Variants in MID1 observed in about 807,000 individuals in gnomAD.
The protein encoded by MID1 is E3 ubiquitin-protein ligase Midline-1.
Under a neutral mutation model 40.4 loss-of-function variants are expected in MID1, and 7 were observed. The observed-to-expected ratio is 0.17, with a 90% CI of 0.10 to 0.33. The LOEUF is 0.33. MID1 is among the 10% of genes least tolerant of loss of function. MID1 has a pLI of 1.00. For missense variants in MID1, 367 were observed against 558.5 expected (o/e 0.66, Z 3.46); for synonymous variants, 229 against 221.2 (o/e 1.04, Z -0.31).
chrX:10,633,991 C>T (rs1210401052), intron 1 of MID1, among the ~76,000 whole-genome samples: 2 of 110,189 alleles, frequency 1.8e-5, no homozygotes, highest in East Asian at 2.8e-4. Context: ...CATAACTGCA[C>T]GAAAGGCCAC....
At chrX:10,748,895 GAT>G (rs2043580110) in intron 1 of MID1, among the ~76,000 whole-genome samples, 1 of 111,327 alleles carries the variant, frequency 9.0e-6, no homozygotes, top group African/African-American at 3.3e-5. Context: ...CATAAGGCAA[GAT>G]AGTCTTTGGT....
intron 1 of MID1, among the ~76,000 whole-genome samples, chrX:10,768,223 G>A (rs2043744415): frequency 9.1e-6 from 1 of 110,449 alleles, no homozygotes; most frequent in Non-Finnish European, 1.9e-5. Flanking sequence ...GAACTTAAAA[G>A]CTTGAGGAAA....
At chrX:10,459,848 G>C in intron 7 of MID1, 41 bp from the exon 8 acceptor site, 26 of 1,152,714 alleles carry the variant, frequency 2.3e-5, no homozygotes, top group Non-Finnish European at 2.9e-5. Context: ...TTTGGCACAA[G>C]GGGAGCAATG....
chrX:10,631,968 C>G (rs937216650), intron 1 of MID1, among the ~76,000 whole-genome samples: 1 of 111,830 alleles, frequency 8.9e-6, no homozygotes, highest in Non-Finnish European at 1.9e-5. Context: ...CTGACATTAG[C>G]TCTCCATATT....
At chrX:10,593,147 C>T (rs1019646019) in intron 1 of MID1, among the ~76,000 whole-genome samples, 1 of 111,810 alleles carries the variant, frequency 8.9e-6, no homozygotes, top group African/African-American at 3.3e-5. Context: ...TAGCAAAGTT[C>T]AGGTAAGCTG....
At chrX:10,706,960 T>A (rs1039484003) in intron 1 of MID1, among the ~76,000 whole-genome samples, 2 of 111,751 alleles carry the variant, frequency 1.8e-5, no homozygotes, top group Admixed American at 1.9e-4. Flanking sequence ...TGACTCATAA[T>A]TGGGTCTAAC....
intron 1 of MID1, among the ~76,000 whole-genome samples, chrX:10,760,266 A>G (rs1427359209): frequency 9.0e-6 from 1 of 111,458 alleles, no homozygotes; most frequent in Non-Finnish European, 1.9e-5. Context: ...TGGTTACTGC[A>G]TATACTGCTC....
intron 2 of MID1, among the ~76,000 whole-genome samples, chrX:10,528,582 T>C (rs1222455337): frequency 8.9e-6 from 1 of 112,256 alleles, no homozygotes; most frequent in Admixed American, 9.5e-5. Flanking sequence ...AACGAGTGGA[T>C]AGGACTGTGT....
intron 1 of MID1, among the ~76,000 whole-genome samples, chrX:10,661,805 A>T (rs1187673997): frequency 8.9e-6 from 1 of 111,904 alleles, no homozygotes; most frequent in African/African-American, 3.2e-5. Context: ...AATTTTAGAC[A>T]ATGAGTTAAC....
At chrX:10,719,739 A>G (rs2043334624) in intron 1 of MID1, among the ~76,000 whole-genome samples, 1 of 111,326 alleles carries the variant, frequency 9.0e-6, no homozygotes, top group Non-Finnish European at 1.9e-5. Context: ...CGCATCACCA[A>G]GTCAATCCTA....
At position 10,631,598 on chromosome X, in the gene MID1, CAA is replaced by C. The variant is rs1429762331; in HGVS notation, c.-186-11181_-186-11180del. On this transcript the variant is annotated intron_variant, in intron 1 of 10. Coordinates refer to the MID1 transcript ENST00000380785. ...CAGGTAACTCATAAAACAAAAACGT[CAA>C]AGAGTCAGTTGTATGTTTATATGAC... Among the ~76,000 whole-genome samples the C allele has an allele frequency of 3.6e-5, 4 of 111,969 alleles. No homozygotes were observed. The South Asian group carries it at 1.5e-3, about 41-fold the overall frequency.
chrX:10,675,307 GA>G (rs1447592868), intron 1 of MID1, among the ~76,000 whole-genome samples: 1 of 112,071 alleles, frequency 8.9e-6, no homozygotes, highest in Non-Finnish European at 1.9e-5. Context: ...TAATGAGGAG[GA>G]AAAAATGCAG....
At chrX:10,752,988 G>T (rs1163675581) in intron 1 of MID1, among the ~76,000 whole-genome samples, 2 of 112,080 alleles carry the variant, frequency 1.8e-5, no homozygotes, top group Non-Finnish European at 3.8e-5. Context: ...TGAAGGCAGG[G>T]TGCCTGCTGA....
At chrX:10,493,649 C>T (rs1365742107) in intron 4 of MID1, among the ~76,000 whole-genome samples, 2 of 111,580 alleles carry the variant, frequency 1.8e-5, no homozygotes, top group African/African-American at 6.5e-5. Flanking sequence ...TAAATAATAA[C>T]GTATTATACA....
chrX:10,733,282 A>AC (rs2043464405), intron 1 of MID1, among the ~76,000 whole-genome samples: 1 of 111,797 alleles, frequency 8.9e-6, no homozygotes, highest in African/African-American at 3.3e-5. Flanking sequence ...CCTCACCTCT[A>AC]CCTCACACTA....
intron 1 of MID1, among the ~76,000 whole-genome samples, chrX:10,644,758 G>A (rs1936244480): frequency 9.0e-6 from 1 of 110,916 alleles, no homozygotes; most frequent in African/African-American, 3.3e-5. Flanking sequence ...ACAGTCATGT[G>A]GCAAAATTTC....
chrX:10,681,196 T>C (rs2043058432), intron 1 of MID1, among the ~76,000 whole-genome samples: 1 of 111,123 alleles, frequency 9.0e-6, no homozygotes, highest in South Asian at 3.9e-4. Flanking sequence ...AAGGAATTGG[T>C]TACAAAAATT....
At chrX:10,760,246 A>T in intron 1 of MID1, among the ~76,000 whole-genome samples, 1 of 111,431 alleles carries the variant, frequency 9.0e-6, no homozygotes, top group Non-Finnish European at 1.9e-5. Flanking sequence ...CAATTGTGCC[A>T]ATTCTGCAAT....
rs367912071 is a variant in MID1, at chrX:10,819,222, T to TGAGA, written c.-187+14328_-187+14331dup. Among the ~76,000 whole-genome samples the TGAGA allele has an allele frequency of 6.5e-3, 659 of 101,873 alleles. 7 individuals are homozygous for TGAGA. The highest frequency in any genetic ancestry group is 0.017 in the African/African-American group (481 of 28,074). 88.5% of individuals were successfully genotyped at this position (101,873 alleles called of 115,157 possible). On this transcript the variant is annotated intron_variant, in intron 1 of 10. Transcript: ENST00000380785. ...ACATGCGTGAGAAAGACAGAGACAG[T>TGAGA]GAGAGAGAGAGAGAGAGAGAGAGAG... is the stretch of plus-strand genomic sequence containing the variant.
Sources: gnomAD v4.1 joint callset for allele counts (sites outside exome capture counted in the v4.1 genomes callset) on GRCh38, gnomAD v4.1.1 for gene constraint, MANE v1.5 for transcripts, NCBI Gene and HGNC (gene_info 2026-07-23, HGNC 2026-07-21) for gene names.